The following BCL11B variants were observed in gnomAD, a reference collection of about 807,000 sequenced individuals.
The protein encoded by BCL11B is BCL11 transcription factor B.
A neutral mutation model predicts 49.9 loss-of-function variants in BCL11B; 8 were observed. That is an observed-to-expected ratio of 0.16 (90% CI 0.09 to 0.29). BCL11B has a LOEUF of 0.29. Among genes scored for constraint, BCL11B ranks in the 10% least tolerant of loss-of-function variants. BCL11B has a pLI of 1.00. For missense variants in BCL11B, 1,006 were observed against 1,351.0 expected, an observed-to-expected ratio of 0.74 and a Z score of 4.00; for synonymous variants, 739 against 637.4, an observed-to-expected ratio of 1.16 and a Z score of -2.40.
rs1454103415 is a variant in BCL11B at position 99,232,794 on chromosome 14, T to C, written c.428-1237A>G. Among the ~76,000 whole-genome samples the C allele has an allele frequency of 6.6e-6, 1 of 152,160 alleles. No individual in the cohort carries two copies. Among genetic ancestry groups the C allele is most frequent in the Admixed American group, 6.5e-5 (1 of 15,278 alleles). ...AGCAGCCCCATCCAAACCCCAGCTG[T>C]CTGGCCCCAGAACCAGGGCTCTTTC... On this transcript the variant is annotated intron_variant, in intron 2 of 3. Coordinates refer to ENST00000357195, the MANE Select transcript of BCL11B (RefSeq NM_138576.4). This position sits in a 1 kb window ranked among gnomAD's most constrained non-coding sequence, Gnocchi z 5.1.
chr14:99,174,571 C>T lies in BCL11B; in HGVS notation c.2265G>A (p.Pro755=), dbSNP rs1397348808. Residue 755 remains proline, a synonymous_variant, in exon 4 of 4, where the codon CCG becomes CCA. Transcript: ENST00000357195. The stretch of plus-strand genomic sequence containing the variant: ...GGCCGCCGTCCAGCAGGTCCCCGGG[C>T]GGCGTGGAGAAGCGCAGGCTGCCGT... ...SENGSLRFST[P]PGDLLDGGLS... 13 of 1,517,558 alleles carry T rather than the reference C, an allele frequency of 8.6e-6. No individual in the cohort carries two copies. The highest frequency in any genetic ancestry group is 1.7e-4 in the Middle Eastern group (1 of 5,900). The allele number at this position is 1,517,558 out of a possible 1,614,324, so 94.0% of individuals were successfully genotyped here. A position where few individuals can be genotyped will look rare whatever the true frequency, so the allele number is the denominator to read the frequency against.
chr14:99,231,065 G>A lies in BCL11B; in HGVS notation c.640+280C>T, dbSNP rs929496873. Among the ~76,000 whole-genome samples the A allele has an allele frequency of 2.0e-5, 3 of 152,186 alleles. No homozygotes were observed. Among genetic ancestry groups the A allele is most frequent in the Non-Finnish European group, 2.9e-5 (2 of 68,036 alleles). On this transcript the variant is annotated intron_variant, in intron 3 of 3. Transcript: ENST00000357195. This position sits in a 1 kb window ranked among gnomAD's most constrained non-coding sequence, Gnocchi z 8.1. ...TTAAGTGTTATCCAATTAAGCTGTC[G>A]CTAAACAACCCAAAGAAGCGGGATT...
intron 3 of BCL11B, among the ~76,000 whole-genome samples, chr14:99,200,073 A>ATTCCACCACATT (rs926427420): frequency 2.0e-5 from 3 of 151,630 alleles, no homozygotes; most frequent in African/African-American, 7.3e-5. Flanking sequence ...CGGCTTCAAA[A>ATTCCACCACATT]GGCACCAAAT....
rs1364148526 is a variant in BCL11B at position 99,192,521 on chromosome 14, C to T, written c.641-16326G>A. Among the ~76,000 whole-genome samples, 2 of 152,208 alleles carry T rather than the reference C, an allele frequency of 1.3e-5. No individual in the cohort carries two copies. On this transcript the variant is annotated intron_variant, in intron 3 of 3. Transcript: ENST00000357195. The surrounding 1 kb of genome is among the most constrained non-coding windows in gnomAD (Gnocchi z 4.0). The stretch of plus-strand genomic sequence containing the variant: ...CACAGCGCGCTACCTTTCACCTCGT[C>T]CTCGCCACACACACCCAGGCCCAGC...
chr14:99,246,527 C>T (rs1248641624), intron 2 of BCL11B, among the ~76,000 whole-genome samples: 1 of 152,236 alleles, frequency 6.6e-6, no homozygotes, highest in Admixed American at 6.5e-5. Flanking sequence ...GAAAGGGGCA[C>T]CGCTCGCAGG....
At chr14:99,227,254 G>A (rs778620555) in intron 3 of BCL11B, among the ~76,000 whole-genome samples, 21 of 152,160 alleles carry the variant, frequency 1.4e-4, no homozygotes, top group African/African-American at 2.2e-4. Context: ...CATTCCGCTC[G>A]TGCATGGACT....
chr14:99,246,141 C>T (rs1353632863), intron 2 of BCL11B, among the ~76,000 whole-genome samples: 3 of 152,092 alleles, frequency 2.0e-5, no homozygotes, highest in Admixed American at 2.0e-4. Context: ...GACTCGCCCA[C>T]CCCCCGCCTT....
rs1433161512 is a variant in BCL11B at position 99,231,850 on chromosome 14, G to A, written c.428-293C>T. On this transcript the variant is annotated intron_variant, in intron 2 of 3. Transcript: ENST00000357195. This position sits in a 1 kb window ranked among gnomAD's most constrained non-coding sequence, Gnocchi z 8.1. ...GCCTGGTGCAGGGGGCTGGGTGAAC[G>A]GGGGCTGTGAGGACCCACTCTCAGG... 1.3e-5 allele frequency among the ~76,000 whole-genome samples: 2 copies of A among 151,738 alleles called. No individual in the cohort carries two copies. Among genetic ancestry groups the A allele is most frequent in the Non-Finnish European group, 2.9e-5 (2 of 67,874 alleles).
intron 3 of BCL11B, among the ~76,000 whole-genome samples, chr14:99,199,815 C>T (rs988301079): frequency 6.6e-6 from 1 of 152,048 alleles, no homozygotes; most frequent in African/African-American, 2.4e-5. Context: ...GTTTTTCATG[C>T]CACTGGCCCA....
At position 99,216,318 on chromosome 14, in the gene BCL11B, G is replaced by T. The variant is rs186493020; in HGVS notation, c.640+15027C>A. 1.6e-3 allele frequency among the ~76,000 whole-genome samples: 242 copies of T among 152,302 alleles called. 2 individuals carry two copies. The highest frequency in any genetic ancestry group is 5.1e-3 in the African/African-American group (211 of 41,568). ...CAGCGCCCCATTATCACTGCTAGCC[G>T]CCCACTCTCAGTCGTGAGATGGTGC... On this transcript the variant is annotated intron_variant, in intron 3 of 3. Transcript: ENST00000357195.
At chr14:99,270,938 C>G (rs1022678927) in intron 1 of BCL11B, among the ~76,000 whole-genome samples, 2 of 151,650 alleles carry the variant, frequency 1.3e-5, no homozygotes, top group African/African-American at 4.8e-5. Flanking sequence ...CCCCCGAGCC[C>G]GAGGCGCGTC....
rs2139915932 is a variant in BCL11B, at chr14:99,241,437, G to T, written c.428-9880C>A. Among the ~76,000 whole-genome samples the T allele has an allele frequency of 6.6e-6, 1 of 151,662 alleles. No homozygotes were observed. The highest frequency in any genetic ancestry group is 1.9e-4 in the East Asian group (1 of 5,162). On this transcript the variant is annotated intron_variant, in intron 2 of 3. Coordinates refer to ENST00000357195, the MANE Select transcript of BCL11B (RefSeq NM_138576.4). The surrounding 1 kb of genome is among the most constrained non-coding windows in gnomAD (Gnocchi z 4.4). ...GAAAGCAGCAAGCATCGCTCAGGAG[G>T]CCTCAGAGACTAAACAGACACAAAA... is the stretch of plus-strand genomic sequence containing the variant.
chr14:99,204,296 G>C (rs1005771039), intron 3 of BCL11B, among the ~76,000 whole-genome samples: 1 of 152,150 alleles, frequency 6.6e-6, no homozygotes, highest in Admixed American at 6.5e-5. Flanking sequence ...TGGAATGAAG[G>C]CCTCTCTCTC....
intron 1 of BCL11B, among the ~76,000 whole-genome samples, chr14:99,258,928 G>A (rs543515771): frequency 2.0e-5 from 3 of 152,172 alleles, no homozygotes; most frequent in African/African-American, 7.2e-5. Context: ...GGGAGCCTAG[G>A]ACCCAAATAT....
intron 3 of BCL11B, among the ~76,000 whole-genome samples, chr14:99,200,773 G>T (rs1348991893): frequency 6.6e-6 from 1 of 152,200 alleles, no homozygotes; most frequent in African/African-American, 2.4e-5. Flanking sequence ...GCAAGTCCTG[G>T]ACAAGAAGCT....
intron 3 of BCL11B, among the ~76,000 whole-genome samples, chr14:99,197,509 C>G (rs1021387221): frequency 6.6e-6 from 1 of 151,634 alleles, no homozygotes; most frequent in African/African-American, 2.4e-5. Context: ...TTTTTTTTCA[C>G]AAGGCAAGCC....
chr14:99,180,498 C>G (rs375811073), intron 3 of BCL11B, among the ~76,000 whole-genome samples: 1 of 152,196 alleles, frequency 6.6e-6, no homozygotes, highest in African/African-American at 2.4e-5. Context: ...CCCTGGACAA[C>G]AGCAGTGCGT....
At chr14:99,188,711 G>A (rs987381861) in intron 3 of BCL11B, among the ~76,000 whole-genome samples, 72 of 152,136 alleles carry the variant, frequency 4.7e-4, no homozygotes, top group African/African-American at 1.7e-3. Flanking sequence ...GCCCCCCACA[G>A]TGGGCTCCCT....
intron 2 of BCL11B, among the ~76,000 whole-genome samples, chr14:99,243,402 C>A (rs756208474): frequency 6.6e-6 from 1 of 152,200 alleles, no homozygotes; most frequent in South Asian, 2.1e-4. Flanking sequence ...AAATTAGTCA[C>A]CCTGCCCCCA....
Sources: gnomAD v4.1 joint callset for allele counts (sites outside exome capture counted in the v4.1 genomes callset) on GRCh38, gnomAD v4.1.1 for gene constraint, Gnocchi (gnomAD v3.1) non-coding constraint, MANE v1.5 for transcripts, NCBI Gene and HGNC (gene_info 2026-07-23, HGNC 2026-07-21) for gene names.